KDM3B: variants seen among roughly 807,000 people sequenced by gnomAD.
KDM3B encodes lysine-specific demethylase 3B.
In KDM3B, 10 loss-of-function variants were observed where a neutral mutation model predicts 170.0. That is an observed-to-expected ratio of 0.06 (90% CI 0.04 to 0.10). The LOEUF is 0.10. Among genes scored for constraint, KDM3B ranks in the 10% least tolerant of loss-of-function variants. The pLI is 1.00. For synonymous variants in KDM3B, 831 were observed against 834.8 expected, an observed-to-expected ratio of 1.00 and a Z score of 0.08; for missense variants, 1,394 against 2,195.2, an observed-to-expected ratio of 0.64 and a Z score of 7.29.
rs188085996 is a variant in KDM3B at position 138,422,127 on chromosome 5, C to T, written c.3972+1165C>T. On this transcript the variant is annotated intron_variant, in intron 15 of 23. Coordinates refer to ENST00000314358, the MANE Select transcript of KDM3B (RefSeq NM_016604.4). ...CATCACCCTTTTTAAAATTCCATCA[C>T]ACTGTCAGTTCTGCACATACCGATT... Among the ~76,000 whole-genome samples the T allele has an allele frequency of 5.0e-4, 76 of 152,324 alleles. 1 individual carries two copies. The highest frequency in any genetic ancestry group is 1.0e-3 in the Non-Finnish European group (69 of 68,038).
intron 5 of KDM3B, among the ~76,000 whole-genome samples, chr5:138,380,960 C>T (rs1489144858): frequency 1.3e-5 from 2 of 151,824 alleles, no homozygotes; most frequent in African/African-American, 4.8e-5. Flanking sequence ...CTGCAACCTC[C>T]GCCTCCCAGG....
intron 8 of KDM3B, 37 bp from the exon 9 acceptor site, chr5:138,393,134 C>T (rs375839361): frequency 1.1e-5 from 18 of 1,598,106 alleles, no homozygotes; most frequent in Admixed American, 3.3e-5. Flanking sequence ...CTGTTTACAC[C>T]TCATGACAAA....
At chr5:138,388,448 C>T (rs1203176552) in intron 7 of KDM3B, among the ~76,000 whole-genome samples, 7 of 151,732 alleles carry the variant, frequency 4.6e-5, no homozygotes, top group South Asian at 2.1e-4. Flanking sequence ...CTGGCTAACA[C>T]GGTGAAACCC....
intron 23 of KDM3B, among the ~76,000 whole-genome samples, chr5:138,432,172 A>G (rs941473087): frequency 6.6e-6 from 1 of 152,208 alleles, no homozygotes; most frequent in African/African-American, 2.4e-5. Context: ...AAAAAGCACT[A>G]TGGCAGTGTG....
At chr5:138,389,980 C>T (rs1762387526) in intron 7 of KDM3B, among the ~76,000 whole-genome samples, 1 of 152,070 alleles carries the variant, frequency 6.6e-6, no homozygotes, top group African/African-American at 2.4e-5. Context: ...CTGCCTCAGC[C>T]TTCCGAGTAG....
intron 22 of KDM3B, among the ~76,000 whole-genome samples, chr5:138,430,962 A>G (rs1463991533): frequency 6.6e-6 from 1 of 152,208 alleles, no homozygotes; most frequent in East Asian, 1.9e-4. Flanking sequence ...TACTTGTAGC[A>G]TACTCTTCTT....
At chr5:138,425,357 A>G in intron 16 of KDM3B, 54 bp from the exon 17 acceptor site, 1 of 1,567,614 alleles carries the variant, frequency 6.4e-7, no homozygotes, top group Non-Finnish European at 8.7e-7. Context: ...TCTCAGCCCT[A>G]GAGCTGGAAG....
At chr5:138,404,375 C>G (rs1762763907) in intron 11 of KDM3B, among the ~76,000 whole-genome samples, 1 of 152,142 alleles carries the variant, frequency 6.6e-6, no homozygotes, top group Non-Finnish European at 1.5e-5. Context: ...GCCTGTAATC[C>G]CAGCACTTTG....
intron 4 of KDM3B, among the ~76,000 whole-genome samples, 157 bp from the exon 5 acceptor site, chr5:138,379,427 A>G (rs1762074224): frequency 6.6e-6 from 1 of 152,260 alleles, no homozygotes; most frequent in African/African-American, 2.4e-5. Flanking sequence ...TAAATTGCTC[A>G]GTATGGTAAA....
At chr5:138,379,817 C>A in intron 5 of KDM3B, 109 bp downstream of exon 5, 1 of 1,038,956 alleles carries the variant, frequency 9.6e-7, no homozygotes, top group South Asian at 1.9e-5. Context: ...TCATCCCTGG[C>A]TCTATTACTT....
chr5:138,376,283 G>A (rs1371437852), intron 3 of KDM3B, among the ~76,000 whole-genome samples: 2 of 152,198 alleles, frequency 1.3e-5, no homozygotes, highest in East Asian at 1.9e-4. Flanking sequence ...CAACCTCCCT[G>A]TGCATTTTAA....
chr5:138,406,157 C>T (rs1202722073), intron 11 of KDM3B, among the ~76,000 whole-genome samples: 2 of 152,082 alleles, frequency 1.3e-5, no homozygotes, highest in Admixed American at 1.3e-4. Flanking sequence ...CCAGCCTGGG[C>T]AACATAGCAA....
intron 14 of KDM3B, among the ~76,000 whole-genome samples, chr5:138,419,962 T>C (rs888223623): frequency 2.6e-5 from 4 of 152,098 alleles, no homozygotes; most frequent in African/African-American, 9.7e-5. Context: ...CTTGGCTCAC[T>C]GCAACCTCCG....
chr5:138,352,947 C>A lies in KDM3B; in HGVS notation c.152C>A (p.Thr51Lys). 2 of 1,280,422 alleles carry A rather than the reference C, an allele frequency of 1.6e-6. No homozygotes were observed. Among genetic ancestry groups the A allele is most frequent in the Admixed American group, 4.1e-5 (1 of 24,274 alleles). 79.3% of individuals were successfully genotyped at this position (1,280,422 alleles called of 1,614,324 possible). A position where few individuals can be genotyped will look rare whatever the true frequency, so the allele number is the denominator to read the frequency against. The change falls in exon 1 of 24, where the codon ACG becomes AAG. Residue 51 changes from threonine to lysine, a missense_variant. Physicochemically the swap from Thr to Lys is moderately conservative, Grantham distance 78. Coordinates refer to ENST00000314358, the MANE Select transcript of KDM3B (RefSeq NM_016604.4). ...CGCACTCGAGCCTGGCGGGCCGGCA[C>A]GGTGCGGGCCATGAGCGGGGCGGTG... ...ALRTRAWRAGTVRAMSGAVPQ... is the reference protein window; with the variant it reads ...ALRTRAWRAGKVRAMSGAVPQ...
At chr5:138,357,078 G>A (rs1301794955) in intron 1 of KDM3B, among the ~76,000 whole-genome samples, 2 of 151,570 alleles carry the variant, frequency 1.3e-5, no homozygotes, top group Non-Finnish European at 2.9e-5. Flanking sequence ...GGAGTGCAGG[G>A]GCATAATTAC....
chr5:138,392,487 C>T (rs541032960), intron 8 of KDM3B, among the ~76,000 whole-genome samples: 1 of 152,324 alleles, frequency 6.6e-6, no homozygotes, highest in Non-Finnish European at 1.5e-5. Flanking sequence ...AATGATAATC[C>T]CCCAAAGGAG....
intron 6 of KDM3B, among the ~76,000 whole-genome samples, chr5:138,384,809 G>A (rs1297117348): frequency 1.3e-5 from 2 of 150,674 alleles, no homozygotes; most frequent in Non-Finnish European, 3.0e-5. Context: ...AGCTCCTGGG[G>A]AGGCTGAGGC....
intron 11 of KDM3B, among the ~76,000 whole-genome samples, chr5:138,411,813 C>CTTA (rs1257521571): frequency 2.6e-5 from 4 of 151,024 alleles, no homozygotes; most frequent in Non-Finnish European, 5.9e-5. Context: ...GATCCTCCTG[C>CTTA]TTCAGCCTCC....
At chr5:138,380,381 T>A (rs1762097898) in intron 5 of KDM3B, among the ~76,000 whole-genome samples, 3 of 149,698 alleles carry the variant, frequency 2.0e-5, no homozygotes, top group African/African-American at 7.3e-5. Context: ...TCTATAATTA[T>A]ATAAGTCACA....
Sources: gnomAD v4.1 joint callset for allele counts (sites outside exome capture counted in the v4.1 genomes callset) on GRCh38, gnomAD v4.1.1 for gene constraint, MANE v1.5 for transcripts, NCBI Gene and HGNC (gene_info 2026-07-23, HGNC 2026-07-21) for gene names.